Variants in PCDHA3 observed in about 807,000 individuals in gnomAD.
PCDHA3 encodes the protein protocadherin alpha-3.
In PCDHA3, 41 loss-of-function variants were observed where a neutral mutation model predicts 62.2. That is an observed-to-expected ratio of 0.66 (90% confidence interval 0.51 to 0.86). The LOEUF is 0.86. PCDHA3 is among the 40% of genes least tolerant of loss of function. PCDHA3 has a pLI of 0.00. For missense variants in PCDHA3, 1,304 were observed against 1,241.2 expected, an observed-to-expected ratio of 1.05 and a Z score of -0.76; for synonymous variants, 640 against 555.4, an observed-to-expected ratio of 1.15 and a Z score of -2.14.
In PCDHA3 at chr5:140,851,054, T is replaced by C. The variant is rs1269980672; in HGVS notation, c.2394+47463T>C. The C allele has an allele frequency of 2.8e-5, 38 of 1,379,008 alleles. 5 individuals carry two copies. Among genetic ancestry groups the C allele is most frequent in the Non-Finnish European group, 3.5e-5 (37 of 1,051,766 alleles). The allele number at this position is 1,379,008 out of a possible 1,614,324, so 85.4% of individuals were successfully genotyped here. ...CTTAACATTGGAGCCGACTTTGTCT[T>C]GACTTCTAGTGAGAATTATAAACTG... On this transcript the variant is annotated intron_variant, in intron 1 of 3. Coordinates refer to ENST00000522353, the MANE Select transcript of PCDHA3 (RefSeq NM_018906.3).
At chr5:140,858,079 C>T in intron 1 of PCDHA3, 5 of 1,597,852 alleles carry the variant, frequency 3.1e-6, no homozygotes, top group Non-Finnish European at 4.3e-6. Context: ...CACCCAAGGC[C>T]TCGTCGCGGG....
intron 1 of PCDHA3, chr5:140,815,973 G>T (rs1466366404): frequency 6.6e-6 from 1 of 152,142 alleles, no homozygotes; most frequent in Non-Finnish European, 1.5e-5. Context: ...TCTTTTGTAC[G>T]TGATGAGGCA....
chr5:140,827,639 A>G (rs2150148590), intron 1 of PCDHA3, among the ~76,000 whole-genome samples: 6 of 152,354 alleles, frequency 3.9e-5, no homozygotes, highest in Admixed American at 1.3e-4. Context: ...AATAGTTTAC[A>G]TTTCTGATTT....
At chr5:140,960,511 C>T (rs2153725482) in intron 1 of PCDHA3, among the ~76,000 whole-genome samples, 1 of 152,156 alleles carries the variant, frequency 6.6e-6, no homozygotes, top group East Asian at 1.9e-4. Context: ...AAGCAGCAAA[C>T]ATAATGGGTA....
chr5:140,882,566 G>A, intron 1 of PCDHA3: 1 of 1,614,252 alleles, frequency 6.2e-7, no homozygotes, highest in Non-Finnish European at 8.5e-7. Context: ...TGGGCGGAGC[G>A]CGGAGTGCAG....
intron 1 of PCDHA3, chr5:140,827,968 A>ATTCTTCTT: frequency 7.3e-7 from 1 of 1,370,946 alleles, no homozygotes; most frequent in South Asian, 1.4e-5. Flanking sequence ...CTATTACTGC[A>ATTCTTCTT]TCATTCCCTG....
At chr5:140,960,763 C>A (rs1424215578) in intron 1 of PCDHA3, among the ~76,000 whole-genome samples, 1 of 151,896 alleles carries the variant, frequency 6.6e-6, no homozygotes, top group Non-Finnish European at 1.5e-5. Flanking sequence ...CCAAGAGTTA[C>A]AGAGGAGAAA....
rs782349051 is a variant in PCDHA3, at chr5:140,857,178, A to G, written c.2394+53587A>G. 8.1e-6 allele frequency: 13 copies of G among 1,598,358 alleles called. No individual in the cohort carries two copies. The South Asian group carries it at 1.3e-4, about 16-fold the overall frequency. On this transcript the variant is annotated intron_variant, in intron 1 of 3. Transcript: ENST00000522353. The stretch of plus-strand genomic sequence containing the variant: ...GCCCTAATCAGCGTTTCTGACCATG[A>G]TTCAGGAGCCAACGGACAGGTCACC...
chr5:140,975,216 G>C (rs1349439819), intron 1 of PCDHA3, among the ~76,000 whole-genome samples: 1 of 152,198 alleles, frequency 6.6e-6, no homozygotes, highest in Admixed American at 6.5e-5. Flanking sequence ...TGGCACTGGA[G>C]AATCTTCCCT....
chr5:140,882,234 T>C, intron 1 of PCDHA3: 1 of 1,579,306 alleles, frequency 6.3e-7, no homozygotes, highest in Non-Finnish European at 8.6e-7. Flanking sequence ...GCGTTGTATA[T>C]ATTGCAGATA....
chr5:140,882,966 T>C (rs201472469), intron 1 of PCDHA3: 3 of 1,614,202 alleles, frequency 1.9e-6, no homozygotes, highest in Non-Finnish European at 8.5e-7. Context: ...ATCACGATTC[T>C]GGACGTGAAT....
At chr5:140,860,192 C>CATATATATAT (rs143984774) in intron 1 of PCDHA3, 4 of 146,816 alleles carry the variant, frequency 2.7e-5, no homozygotes, top group African/African-American at 7.5e-5. Context: ...GCTCTCCTTA[C>CATATATATAT]ATATATATCT....
chr5:140,870,903 A>G lies in PCDHA3; in HGVS notation c.2394+67312A>G, dbSNP rs182770106. On this transcript the variant is annotated intron_variant, in intron 1 of 3. Transcript: ENST00000522353. ...AGGTGCGCGCAGTGGATGCGGACTC[A>G]GGCTACAACGCGTGGCTTTCATATG... The G allele has an allele frequency of 1.9e-6, 3 of 1,613,930 alleles. No individual in the cohort carries two copies. In the East Asian group the frequency reaches 6.7e-5, roughly 36 times the overall value.
At chr5:140,875,997 T>A (rs1441666431) in intron 1 of PCDHA3, 1 of 1,613,924 alleles carries the variant, frequency 6.2e-7, no homozygotes, top group East Asian at 2.2e-5. Flanking sequence ...TAAGTCTAAA[T>A]GAGAATTTTG....
intron 1 of PCDHA3, chr5:140,849,905 G>C: frequency 6.3e-7 from 1 of 1,598,320 alleles, no homozygotes; most frequent in Non-Finnish European, 8.6e-7. Flanking sequence ...ACAACCCGCC[G>C]GGCTGCCACA....
intron 3 of PCDHA3, among the ~76,000 whole-genome samples, chr5:141,000,587 C>A (rs181671847): frequency 0.01 from 1,575 of 150,790 alleles, 20 homozygotes; most frequent in Non-Finnish European, 0.016. Context: ...GCCACCATGC[C>A]CAGCTAATTT....
chr5:140,967,700 G>A lies in PCDHA3; in HGVS notation c.2395-11249G>A. ...GGAGAGGCAGCTCTTCAGCATAGAT[G>A]CCAGTACCGGGGAAGTGCGAGTAAT... On this transcript the variant is annotated intron_variant, in intron 1 of 3. Transcript: ENST00000522353. 4 of 1,614,196 alleles carry A rather than the reference G, an allele frequency of 2.5e-6. No homozygotes were observed. In the South Asian group the frequency reaches 4.4e-5, roughly 18 times the overall value.
intron 1 of PCDHA3, chr5:140,834,901 G>T: frequency 6.2e-7 from 1 of 1,600,398 alleles, no homozygotes; most frequent in Non-Finnish European, 8.5e-7. Context: ...TACAGACTGA[G>T]CCCCAATGAG....
intron 1 of PCDHA3, among the ~76,000 whole-genome samples, chr5:140,925,821 T>C (rs1381036851): frequency 1.3e-5 from 2 of 152,136 alleles, no homozygotes; most frequent in African/African-American, 4.8e-5. Context: ...CACGTCTTCT[T>C]TGGGGACGGG....
Sources: allele counts gnomAD v4.1 joint callset (sites outside exome capture counted in the v4.1 genomes callset), GRCh38; gene constraint gnomAD v4.1.1; transcripts MANE v1.5; gene names NCBI Gene and HGNC (gene_info 2026-07-23, HGNC 2026-07-21).